Variants in KIF2A observed in about 807,000 individuals in gnomAD.
KIF2A encodes the protein kinesin-like protein KIF2A.
In KIF2A, 22 loss-of-function variants were observed where a neutral mutation model predicts 100.2. The observed-to-expected ratio is 0.22, with a 90% CI of 0.16 to 0.31. The LOEUF is 0.31. KIF2A is among the 10% of genes least tolerant of loss of function. The pLI is 1.00. For missense variants in KIF2A, 495 were observed against 898.7 expected (o/e 0.55, Z 5.74); for synonymous variants, 268 against 285.9 (o/e 0.94, Z 0.63).
intron 1 of KIF2A, among the ~76,000 whole-genome samples, chr5:62,320,519 T>C (rs1206705896): frequency 1.3e-5 from 2 of 152,138 alleles, no homozygotes; most frequent in Non-Finnish European, 2.9e-5. Flanking sequence ...ATTACACTTT[T>C]GAAATTTGCT....
chr5:62,319,937 C>G (rs1746021018), intron 1 of KIF2A, among the ~76,000 whole-genome samples: 1 of 152,110 alleles, frequency 6.6e-6, no homozygotes, highest in South Asian at 2.1e-4. Context: ...TACCCCTACC[C>G]CACAGCTAGC....
At chr5:62,378,847 G>A (rs1038201887) in intron 19 of KIF2A, among the ~76,000 whole-genome samples, 21 of 152,090 alleles carry the variant, frequency 1.4e-4, no homozygotes, top group African/African-American at 5.1e-4. Flanking sequence ...CCTGGGAGGT[G>A]GAAGTTGCAG....
intron 1 of KIF2A, among the ~76,000 whole-genome samples, chr5:62,335,132 T>C (rs921359316): frequency 6.6e-6 from 1 of 152,228 alleles, no homozygotes; most frequent in Non-Finnish European, 1.5e-5. Context: ...GGCTCAAGGC[T>C]GAACATCATC....
At chr5:62,323,605 A>G (rs890113555) in intron 1 of KIF2A, among the ~76,000 whole-genome samples, 14 of 152,158 alleles carry the variant, frequency 9.2e-5, no homozygotes, top group Admixed American at 2.6e-4. Context: ...TGATGAGTTG[A>G]TAGGATAGCT....
At position 62,366,441 on chromosome 5, in the gene KIF2A, T is replaced by A; in HGVS notation, c.1606T>A (p.Ser536Thr). The change falls in exon 16 of 21, where the codon TCC (serine) becomes ACC (threonine). Residue 536 changes from serine (S) to threonine (T), a missense_variant. Ser to Thr is a moderately conservative substitution (Grantham distance 58). Transcript: ENST00000407818. ...MIATISPGMASCENTLNTLRY... is the reference protein window; with the variant it reads ...MIATISPGMATCENTLNTLRY... ...TGCCACAATCTCTCCAGGAATGGCA[T>A]CCTGTGAAAATACTCTTAATACATT... 6.3e-7 allele frequency: 1 copy of A among 1,582,726 alleles called. No individual in the cohort carries two copies. The highest frequency in any genetic ancestry group is 8.6e-7 in the Non-Finnish European group (1 of 1,160,752).
rs1415054072 is a variant in KIF2A, at chr5:62,389,104, A to G, written c.*3535A>G. 3.4e-6 allele frequency: 5 copies of G among 1,479,136 alleles called. No homozygotes were observed. The highest frequency in any genetic ancestry group is 4.7e-6 in the Non-Finnish European group (5 of 1,066,438). The allele number at this position is 1,479,136 out of a possible 1,614,324, so 91.6% of individuals were successfully genotyped here. ...GTACTGAAAAGCTAATTTGTAGCAC[A>G]TAACGGTATATAGTTCTATACCATT... On this transcript the variant is annotated 3_prime_UTR_variant, in exon 21 of 21. Transcript: ENST00000407818.
At chr5:62,384,422 C>G (rs1053057103) in intron 20 of KIF2A, among the ~76,000 whole-genome samples, 1 of 152,186 alleles carries the variant, frequency 6.6e-6, no homozygotes, top group South Asian at 2.1e-4. Context: ...GTAACCTTGA[C>G]ACTGTTAACA....
intron 1 of KIF2A, among the ~76,000 whole-genome samples, chr5:62,344,304 C>T (rs11957789): frequency 0.18 from 27,557 of 149,860 alleles, 3,187 homozygotes; most frequent in Middle Eastern, 0.28. Context: ...AGCGAGATCG[C>T]ACCACTGCAG....
At chr5:62,372,401 C>A in intron 16 of KIF2A, 37 bp from the exon 17 acceptor site, 1 of 1,130,024 alleles carries the variant, frequency 8.8e-7, no homozygotes, top group Non-Finnish European at 1.3e-6. Flanking sequence ...CTTTCAAGAG[C>A]ATTTTCTTTT....
intron 1 of KIF2A, among the ~76,000 whole-genome samples, chr5:62,323,479 C>A (rs1382794917): frequency 8.0e-5 from 12 of 150,214 alleles, no homozygotes; most frequent in African/African-American, 2.9e-4. Context: ...GCTGAGATCA[C>A]ACCACTGCAC....
Position 62,390,880 on chromosome 5 carries a change from T to C in KIF2A, c.*5311T>C. ...GGAAAACAAAAATGTAATTACCTGA[T>C]GAAGTCATCTATGTCCATGGAACGG... On this transcript the variant is annotated 3_prime_UTR_variant, in exon 21 of 21. Coordinates refer to ENST00000407818, the MANE Select transcript of KIF2A (RefSeq NM_001098511.3). 6.2e-7 allele frequency: 1 copy of C among 1,611,478 alleles called. No homozygotes were observed. The highest frequency in any genetic ancestry group is 8.5e-7 in the Non-Finnish European group (1 of 1,179,374).
At chr5:62,385,163 T>TG (rs1250083170) in intron 20 of KIF2A, among the ~76,000 whole-genome samples, 1 of 150,796 alleles carries the variant, frequency 6.6e-6, no homozygotes, top group Non-Finnish European at 1.5e-5. Flanking sequence ...AGGTAGACTA[T>TG]GTATTTTACA....
intron 1 of KIF2A, among the ~76,000 whole-genome samples, chr5:62,318,090 T>G (rs1430973712): frequency 6.7e-6 from 1 of 148,770 alleles, no homozygotes; most frequent in Non-Finnish European, 1.5e-5. Context: ...TTAGTGGACT[T>G]TTTTTTTTTT....
Position 62,320,823 on chromosome 5 carries a change from A to ATT in KIF2A, c.64+14295_64+14296dup, listed in dbSNP as rs34685211. Reference sequence around the variant, plus strand: ...GCCCTTTAAAGTGCACAATTCAGTGATTTTTTTTTGGTATATTCATGAAGT... The same window carrying ATT: ...GCCCTTTAAAGTGCACAATTCAGTGATTTTTTTTTTTGGTATATTCATGAAGT... On this transcript the variant is annotated intron_variant, in intron 1 of 20. Coordinates refer to ENST00000407818, the MANE Select transcript of KIF2A (RefSeq NM_001098511.3). Among the ~76,000 whole-genome samples, 857 of 151,478 alleles carry ATT rather than the reference A, an allele frequency of 5.7e-3. 8 individuals are homozygous for ATT. Among genetic ancestry groups the ATT allele is most frequent in the African/African-American group, 0.019 (779 of 41,336 alleles).
At chr5:62,366,570 G>T (rs903651143) in intron 16 of KIF2A, 89 bp downstream of exon 16, 4 of 774,666 alleles carry the variant, frequency 5.2e-6, no homozygotes, top group Non-Finnish European at 8.5e-6. Context: ...GGTGGCTCAC[G>T]CCTGTAATCC....
intron 18 of KIF2A, among the ~76,000 whole-genome samples, chr5:62,376,909 C>T (rs971695865): frequency 4.1e-4 from 63 of 152,118 alleles, no homozygotes; most frequent in Non-Finnish European, 1.6e-4. Context: ...TGCGCATACA[C>T]AAGTCCCACA....
At chr5:62,360,690 A>G (rs905675893) in intron 9 of KIF2A, among the ~76,000 whole-genome samples, 6 of 152,246 alleles carry the variant, frequency 3.9e-5, no homozygotes, top group African/African-American at 1.4e-4. Context: ...TCGTCTCAAA[A>G]AAAAAAAAAT....
At chr5:62,362,595 A>G (rs1561274064) in intron 12 of KIF2A, 54 bp downstream of exon 12, 2 of 770,410 alleles carry the variant, frequency 2.6e-6, no homozygotes, top group South Asian at 2.9e-5. Context: ...ATAACATAAC[A>G]TTTGCCATTT....
chr5:62,355,971 G>A (rs1748084764), intron 7 of KIF2A, among the ~76,000 whole-genome samples: 1 of 151,704 alleles, frequency 6.6e-6, no homozygotes, highest in Non-Finnish European at 1.5e-5. Flanking sequence ...TAGTAGAAAC[G>A]GGGTTCACCT....
Sources: allele counts gnomAD v4.1 joint callset (sites outside exome capture counted in the v4.1 genomes callset), GRCh38; gene constraint gnomAD v4.1.1; transcripts MANE v1.5; gene names NCBI Gene and HGNC (gene_info 2026-07-23, HGNC 2026-07-21).